The following CLASP1 variants were observed in gnomAD, a reference collection of about 807,000 sequenced individuals.
CLASP1 encodes the protein CLIP-associating protein 1.
CLASP1 carries 38 observed loss-of-function variants against 192.3 expected under a neutral mutation model. The ratio of observed to expected loss-of-function variants is 0.20; its 90% CI spans 0.15 to 0.26. The LOEUF is 0.26. Among genes scored for constraint, CLASP1 ranks in the 10% least tolerant of loss-of-function variants. The pLI is 1.00. For synonymous variants in CLASP1, 691 were observed against 712.8 expected (o/e 0.97, Z 0.49); for missense variants, 1,433 against 1,932.5 (o/e 0.74, Z 4.85).
At chr2:121,621,909 G>A (rs945761576) in intron 1 of CLASP1, among the ~76,000 whole-genome samples, 5 of 152,110 alleles carry the variant, frequency 3.3e-5, no homozygotes, top group African/African-American at 1.2e-4. Context: ...GAGCAGTGGC[G>A]TGATCTCGGC....
intron 32 of CLASP1, among the ~76,000 whole-genome samples, chr2:121,386,127 T>C (rs1241846554): frequency 2.6e-5 from 4 of 152,234 alleles, no homozygotes; most frequent in African/African-American, 9.6e-5. Flanking sequence ...AAACCTTCAG[T>C]GATAAGGAAG....
In CLASP1 at chr2:121,613,671, A is replaced by G. The variant is rs115185942; in HGVS notation, c.-285-7491T>C. 7.1e-3 allele frequency among the ~76,000 whole-genome samples: 1,076 copies of G among 151,968 alleles called. 13 individuals carry two copies. The highest frequency in any genetic ancestry group is 0.024 in the African/African-American group (986 of 41,442). On this transcript the variant is annotated intron_variant, in intron 1 of 39. Coordinates refer to ENST00000263710, the Ensembl canonical transcript of CLASP1. Reference sequence around the variant, plus strand: ...ACCTATCTCCAGCCCCTTAATTACCATATCTACCTGTGGCACTTACACACA... The same window carrying G: ...ACCTATCTCCAGCCCCTTAATTACCGTATCTACCTGTGGCACTTACACACA...
At chr2:121,371,085 T>A (rs897809142) in intron 34 of CLASP1, among the ~76,000 whole-genome samples, 5 of 152,196 alleles carry the variant, frequency 3.3e-5, no homozygotes, top group African/African-American at 9.7e-5. Flanking sequence ...CATATATGTA[T>A]AAATATACAA....
At chr2:121,587,566 A>G (rs2061865240) in intron 2 of CLASP1, among the ~76,000 whole-genome samples, 1 of 152,220 alleles carries the variant, frequency 6.6e-6, no homozygotes, top group African/African-American at 2.4e-5. Flanking sequence ...GAGGTGGCTC[A>G]CGCCTGTAAT....
chr2:121,519,977 T>C (rs1173481669), intron 6 of CLASP1, among the ~76,000 whole-genome samples: 2 of 152,160 alleles, frequency 1.3e-5, no homozygotes, highest in African/African-American at 2.4e-5. Context: ...CCACAATGTG[T>C]CAGGCCATGA....
intron 2 of CLASP1, among the ~76,000 whole-genome samples, chr2:121,548,771 T>TA (rs79795002): frequency 7.1e-4 from 97 of 136,428 alleles, no homozygotes; most frequent in Middle Eastern, 7.7e-3. Flanking sequence ...CATTCTTAAA[T>TA]AAAAAAAAAA....
chr2:121,478,829 A>C (rs1575276213), intron 8 of CLASP1, among the ~76,000 whole-genome samples: 2 of 51,792 alleles, frequency 3.9e-5, no homozygotes, highest in Admixed American at 2.1e-4. Context: ...ACAACCACAC[A>C]CCACACACCA....
At chr2:121,606,359 C>T (rs1041343629) in intron 1 of CLASP1, among the ~76,000 whole-genome samples, 179 bp from the exon 2 acceptor site, 3 of 152,202 alleles carry the variant, frequency 2.0e-5, no homozygotes, top group Non-Finnish European at 2.9e-5. Flanking sequence ...TTATTTTTAT[C>T]AGGAAGAACA....
At chr2:121,429,328 A>G (rs2080978407) in intron 20 of CLASP1, among the ~76,000 whole-genome samples, 1 of 152,176 alleles carries the variant, frequency 6.6e-6, no homozygotes, top group Non-Finnish European at 1.5e-5. Flanking sequence ...GGGGACAGGA[A>G]GACTCTTCCT....
At chr2:121,376,431 G>A (rs377279557) in intron 34 of CLASP1, among the ~76,000 whole-genome samples, 4 of 142,216 alleles carry the variant, frequency 2.8e-5, no homozygotes, top group Non-Finnish European at 6.0e-5. Flanking sequence ...CATTAAGACC[G>A]AAATCATATA....
intron 2 of CLASP1, among the ~76,000 whole-genome samples, chr2:121,583,225 T>C (rs1042881598): frequency 2.0e-5 from 3 of 152,214 alleles, no homozygotes; most frequent in Non-Finnish European, 4.4e-5. Flanking sequence ...TACCCCCTAC[T>C]ATTAGTCCAG....
At position 121,530,965 on chromosome 2, in the gene CLASP1, T is replaced by C. The variant is rs949525537; in HGVS notation, c.196-640A>G. 26 of 700,314 alleles carry C rather than the reference T, an allele frequency of 3.7e-5. No individual in the cohort carries two copies. Among genetic ancestry groups the C allele is most frequent in the Middle Eastern group, 3.6e-4 (1 of 2,756 alleles). The allele number at this position is 700,314 out of a possible 1,614,324, so 43.4% of individuals were successfully genotyped here. ...CTAACGCCTGAACAACACACCCGCA[T>C]CAACTAGAGCTTTTGCTTTATTTTG... On this transcript the variant is annotated intron_variant, in intron 2 of 39. Coordinates refer to ENST00000263710, the Ensembl canonical transcript of CLASP1.
intron 9 of CLASP1, among the ~76,000 whole-genome samples, chr2:121,466,937 C>T (rs535283961): frequency 5.9e-5 from 9 of 152,334 alleles, no homozygotes; most frequent in Admixed American, 5.9e-4. Context: ...AAGACCAGCA[C>T]ATTAGCTATT....
chr2:121,527,672 G>C (rs2094607643), intron 5 of CLASP1, 127 bp downstream of exon 5: 1 of 673,778 alleles, frequency 1.5e-6, no homozygotes, highest in Non-Finnish European at 2.6e-6. Flanking sequence ...GGGCAAGGGT[G>C]GGTAAAGGGG....
chr2:121,488,348 G>C (rs560679551), intron 8 of CLASP1, among the ~76,000 whole-genome samples: 1 of 152,314 alleles, frequency 6.6e-6, no homozygotes, highest in East Asian at 1.9e-4. Flanking sequence ...TGATGTGCCA[G>C]GCCCAAGGCC....
At chr2:121,531,188 A>T (rs372349809) in intron 2 of CLASP1, among the ~76,000 whole-genome samples, 3 of 152,214 alleles carry the variant, frequency 2.0e-5, no homozygotes, top group Middle Eastern at 6.8e-3. Context: ...TCACCCCTTT[A>T]ACTTTACGCC....
chr2:121,403,485 T>C, intron 26 of CLASP1: 1 of 456,786 alleles, frequency 2.2e-6, no homozygotes, highest in Non-Finnish European at 4.4e-6. Flanking sequence ...CACAGGTTTC[T>C]TTCTTCCAGC....
chr2:121,352,897 A>G (rs1573645001), intron 37 of CLASP1, among the ~76,000 whole-genome samples: 1 of 151,856 alleles, frequency 6.6e-6, no homozygotes, highest in Non-Finnish European at 1.5e-5. Context: ...CAAGTGATCC[A>G]CCCACCTCAG....
chr2:121,619,387 G>A (rs2066961596), intron 1 of CLASP1, among the ~76,000 whole-genome samples: 1 of 152,096 alleles, frequency 6.6e-6, no homozygotes, highest in East Asian at 1.9e-4. Flanking sequence ...ATTTCATAGT[G>A]GAGGGAAATC....
Sources: allele counts gnomAD v4.1 joint callset (sites outside exome capture counted in the v4.1 genomes callset), GRCh38; gene constraint gnomAD v4.1.1; transcripts MANE v1.5; gene names NCBI Gene and HGNC (gene_info 2026-07-23, HGNC 2026-07-21).